Variants in MAP2K1 observed in about 807,000 individuals in gnomAD.
MAP2K1 encodes the protein dual specificity mitogen-activated protein kinase kinase 1.
In MAP2K1, 16 loss-of-function variants were observed where a neutral mutation model predicts 46.3. The observed-to-expected ratio is 0.35, with a 90% confidence interval of 0.23 to 0.52. The LOEUF (loss-of-function observed/expected upper bound fraction) is 0.52, where lower values mean the gene tolerates loss of function less well. MAP2K1 is among the 20% of genes least tolerant of loss of function. The probability of loss-of-function intolerance (pLI) is 0.94; values close to 1 mark genes in which losing one functional copy is unlikely to be tolerated. For missense variants in MAP2K1, 263 were observed against 497.1 expected (o/e 0.53, Z 4.48); for synonymous variants, 183 against 185.6 (o/e 0.99, Z 0.11).
chr15:66,438,108 A>G (rs2093493638), intron 3 of MAP2K1, among the ~76,000 whole-genome samples: 1 of 142,050 alleles, frequency 7.0e-6, no homozygotes, highest in Non-Finnish European at 1.5e-5. Context: ...GTTTTTTTAG[A>G]CAGAGTCTCG....
intron 1 of MAP2K1, among the ~76,000 whole-genome samples, chr15:66,420,841 G>GTGTATATATATA (rs1567003198): frequency 9.7e-5 from 6 of 62,106 alleles, no homozygotes; most frequent in African/African-American, 2.8e-4. Context: ...GTATATATAT[G>GTGTATATATATA]TGTGTATATA....
chr15:66,413,955 C>CT (rs71450104), intron 1 of MAP2K1, among the ~76,000 whole-genome samples: 6,874 of 98,114 alleles, frequency 0.07, 257 homozygotes, highest in Middle Eastern at 0.15. Context: ...GGTGAAGGGA[C>CT]TTTTTTTTTT....
intron 5 of MAP2K1, among the ~76,000 whole-genome samples, chr15:66,462,487 A>G (rs945235598): frequency 7.9e-6 from 1 of 126,784 alleles, no homozygotes; most frequent in Admixed American, 8.6e-5. Flanking sequence ...ACAGAGCAAG[A>G]CTCTGTCTCA....
chr15:66,458,330 C>T (rs547762148), intron 5 of MAP2K1, among the ~76,000 whole-genome samples: 5 of 152,260 alleles, frequency 3.3e-5, no homozygotes, highest in Admixed American at 2.0e-4. Context: ...TAGATCAATA[C>T]GCAGTTCATC....
At chr15:66,458,192 G>A (rs1892220607) in intron 5 of MAP2K1, among the ~76,000 whole-genome samples, 1 of 152,092 alleles carries the variant, frequency 6.6e-6, no homozygotes. Flanking sequence ...GGTGAAGAGG[G>A]CGCTAGGATA....
intron 5 of MAP2K1, among the ~76,000 whole-genome samples, chr15:66,449,941 T>C (rs1172426151): frequency 6.7e-6 from 1 of 148,678 alleles, no homozygotes; most frequent in Non-Finnish European, 1.5e-5. Context: ...TTATCCACCA[T>C]GATCAAGTGG....
At position 66,420,721 on chromosome 15, in the gene MAP2K1, A is replaced by ATATATATATATATATATGTG. The variant is rs1461381065; in HGVS notation, c.81-14305_81-14304insATATATATATATATATGTGT. 1.3e-4 allele frequency among the ~76,000 whole-genome samples: 4 copies of ATATATATATATATATATGTG among 29,700 alleles called. 1 individual carries two copies. The highest frequency in any genetic ancestry group is 2.4e-4 in the African/African-American group (2 of 8,478). The allele number at this position is 29,700 out of a possible 152,430, so 19.5% of individuals were successfully genotyped here. ...TTACTCTTGGCATATATATATATAT[A>ATATATATATATATATATGTG]TGTGTGTGTGTGTGTGTGTGTGTGT... On this transcript the variant is annotated intron_variant, in intron 1 of 10. Coordinates refer to ENST00000307102, the MANE Select transcript of MAP2K1 (RefSeq NM_002755.4).
chr15:66,436,197 C>T (rs747063900), intron 2 of MAP2K1, among the ~76,000 whole-genome samples: 1 of 152,206 alleles, frequency 6.6e-6, no homozygotes, highest in African/African-American at 2.4e-5. Context: ...CTCTGACACT[C>T]GCTGTCTGTG....
At chr15:66,419,799 G>C (rs1208965288) in intron 1 of MAP2K1, among the ~76,000 whole-genome samples, 1 of 152,076 alleles carries the variant, frequency 6.6e-6, no homozygotes, top group Non-Finnish European at 1.5e-5. Flanking sequence ...TGATTCCCAG[G>C]GGGTGTTTTT....
In MAP2K1 at chr15:66,460,695, T is replaced by C. The variant is rs112048120; in HGVS notation, c.568+15988T>C. ...TGTGGTTTAAGGAAGAGGACTCTAC[T>C]GTTACGGCTAAGGTGAGCTGGAGAG... On this transcript the variant is annotated intron_variant, in intron 5 of 10. Coordinates refer to ENST00000307102, the MANE Select transcript of MAP2K1 (RefSeq NM_002755.4). 1.9e-3 allele frequency among the ~76,000 whole-genome samples: 293 copies of C among 152,218 alleles called. 2 individuals carry two copies. The highest frequency in any genetic ancestry group is 6.6e-3 in the African/African-American group (274 of 41,524).
At chr15:66,457,146 T>G (rs1270343282) in intron 5 of MAP2K1, among the ~76,000 whole-genome samples, 1 of 152,174 alleles carries the variant, frequency 6.6e-6, no homozygotes, top group Non-Finnish European at 1.5e-5. Context: ...TGAGACCGAG[T>G]CTCGCTCTGT....
chr15:66,414,575 A>G (rs1384942854), intron 1 of MAP2K1, among the ~76,000 whole-genome samples: 1 of 152,200 alleles, frequency 6.6e-6, no homozygotes, highest in African/African-American at 2.4e-5. Context: ...ATTATTAACC[A>G]GGGAAGCTCC....
chr15:66,474,999 C>T (rs1369850519), intron 5 of MAP2K1, among the ~76,000 whole-genome samples: 1 of 152,120 alleles, frequency 6.6e-6, no homozygotes, highest in Non-Finnish European at 1.5e-5. Context: ...CTAGGCTCGC[C>T]TGCACCTCTC....
chr15:66,490,410 T>C, intron 10 of MAP2K1, 92 bp from the exon 11 acceptor site: 2 of 938,698 alleles, frequency 2.1e-6, no homozygotes, highest in East Asian at 2.4e-5. Flanking sequence ...CAGCACAAGC[T>C]CTAGACCTGA....
intron 5 of MAP2K1, among the ~76,000 whole-genome samples, chr15:66,468,953 C>CAA (rs111563723): frequency 9.5e-5 from 13 of 137,370 alleles, no homozygotes; most frequent in East Asian, 8.7e-4. Flanking sequence ...GACTCCGTCT[C>CAA]AAAAAAAAAA....
At chr15:66,442,047 G>A (rs1443242830) in intron 3 of MAP2K1, among the ~76,000 whole-genome samples, 1 of 152,156 alleles carries the variant, frequency 6.6e-6, no homozygotes, top group African/African-American at 2.4e-5. Context: ...TGGTATGTGA[G>A]CCCTGCAGAG....
intron 5 of MAP2K1, among the ~76,000 whole-genome samples, chr15:66,461,476 C>CGAAA (rs1892317309): frequency 7.1e-6 from 1 of 140,136 alleles, no homozygotes; most frequent in Non-Finnish European, 1.5e-5. Context: ...GACTCTGTCT[C>CGAAA]TAAATAAATA....
At chr15:66,469,172 C>T (rs1161620664) in intron 5 of MAP2K1, among the ~76,000 whole-genome samples, 1 of 151,972 alleles carries the variant, frequency 6.6e-6, no homozygotes, top group African/African-American at 2.4e-5. Context: ...AGGAGAATCG[C>T]TTGAACCCAG....
At chr15:66,460,775 T>G (rs1892298326) in intron 5 of MAP2K1, among the ~76,000 whole-genome samples, 1 of 147,310 alleles carries the variant, frequency 6.8e-6, no homozygotes, top group Non-Finnish European at 1.5e-5. Flanking sequence ...TAAGGGGGGG[T>G]CTGAGTTAGG....
Sources: allele counts gnomAD v4.1 joint callset (sites outside exome capture counted in the v4.1 genomes callset), GRCh38; gene constraint gnomAD v4.1.1; transcripts MANE v1.5; gene names NCBI Gene and HGNC (gene_info 2026-07-23, HGNC 2026-07-21).